AFAP1: variants seen among roughly 807,000 people sequenced by gnomAD.
AFAP1 encodes the protein actin filament associated protein 1, also known as actin filament-associated protein 1.
Under a neutral mutation model 93.9 loss-of-function variants are expected in AFAP1, and 75 were observed. The observed-to-expected ratio is 0.80, with a 90% confidence interval of 0.66 to 0.97. The LOEUF is 0.97. Among genes scored for constraint, AFAP1 ranks in the 50% least tolerant of loss-of-function variants. The probability of loss-of-function intolerance (pLI) is 0.00; values close to 1 mark genes in which losing one functional copy is unlikely to be tolerated. For missense variants in AFAP1, 1,201 were observed against 1,050.8 expected (o/e 1.14, Z -1.98); for synonymous variants, 517 against 430.7 (o/e 1.20, Z -2.48).
intron 6 of AFAP1, among the ~76,000 whole-genome samples, chr4:7,833,244 C>T (rs996955110): frequency 2.0e-5 from 3 of 152,186 alleles, no homozygotes; most frequent in Non-Finnish European, 4.4e-5. Context: ...CCTTCACAAT[C>T]TATATATCCC....
intron 8 of AFAP1, among the ~76,000 whole-genome samples, chr4:7,814,781 C>T (rs1720332110): frequency 6.6e-6 from 1 of 152,226 alleles, no homozygotes; most frequent in Non-Finnish European, 1.5e-5. Context: ...AGAAAGAGCA[C>T]AGGGGCTGGG....
chr4:7,809,742 T>A lies in AFAP1; in HGVS notation c.926A>T (p.Lys309Ile), dbSNP rs943230583. Residue 309 changes from lysine to isoleucine, a missense_variant, in exon 9 of 18, where the codon AAA (lysine) becomes ATA (isoleucine). By Grantham distance (102) the Lys-to-Ile change is moderately radical. Transcript: ENST00000420658. ...CGACACAGTGCCCTTGGCCTCTGAT[T>A]TGGAACTTTTCTTCCTCTTCACTGT... ...KEQVKRKKSS[K>I]SEAKGTVSKV... 5.6e-6 allele frequency: 9 copies of A among 1,613,880 alleles called. No homozygotes were observed. The highest frequency in any genetic ancestry group is 1.7e-4 in the Middle Eastern group (1 of 6,058).
chr4:7,792,423 G>A (rs557172247), intron 11 of AFAP1, among the ~76,000 whole-genome samples: 13 of 152,042 alleles, frequency 8.6e-5, no homozygotes, highest in South Asian at 4.2e-4. Flanking sequence ...AGCTCACCAC[G>A]GCAGATGCAA....
intron 2 of AFAP1, among the ~76,000 whole-genome samples, chr4:7,869,374 C>T (rs2060069038): frequency 6.6e-6 from 1 of 152,228 alleles, no homozygotes; most frequent in Non-Finnish European, 1.5e-5. Context: ...AACTTCTACT[C>T]AGGGCAGGCA....
chr4:7,917,122 T>C (rs1720125251), intron 1 of AFAP1, among the ~76,000 whole-genome samples: 1 of 152,186 alleles, frequency 6.6e-6, no homozygotes, highest in Non-Finnish European at 1.5e-5. Context: ...AGCACTGTTG[T>C]AAAAAGCCTT....
rs760296272 is a variant in AFAP1, at chr4:7,871,995, C to G, written c.84G>C (p.Lys28Asn). The G allele has an allele frequency of 6.2e-7, 1 of 1,614,180 alleles. No individual in the cohort carries two copies. The highest frequency in any genetic ancestry group is 8.5e-7 in the Non-Finnish European group (1 of 1,180,028). The change falls in exon 2 of 18, where the codon AAG becomes AAC. Residue 28 changes from lysine to asparagine, a missense_variant. Physicochemically the swap from Lys to Asn is moderately conservative, Grantham distance 94. Coordinates refer to ENST00000420658, the MANE Select transcript of AFAP1 (RefSeq NM_001134647.2). ...EYLTSTVREK[K>N]AVITNILLRI... is the part of the protein sequence containing the mutation. ...TTAGCAGAATGTTGGTTATCACTGC[C>G]TTTTTCTCCCTGACAGTTGAGGTTA...
Position 7,886,175 on chromosome 4 carries a change from T to C in AFAP1, c.-2-14095A>G, listed in dbSNP as rs186822444. ...CCATTATTTGAACGACTGGATGATT[T>C]TGAATACAAGTCATTAAACTTCTTT... is the stretch of plus-strand genomic sequence containing the variant. On this transcript the variant is annotated intron_variant, in intron 1 of 17. Transcript: ENST00000420658. Among the ~76,000 whole-genome samples, 21 of 152,228 alleles carry C rather than the reference T, an allele frequency of 1.4e-4. 1 individual carries two copies. The highest frequency in any genetic ancestry group is 2.4e-4 in the Non-Finnish European group (16 of 68,044).
In AFAP1 at chr4:7,931,900, G is replaced by A. The variant is rs151193041; in HGVS notation, c.-3+7756C>T. Among the ~76,000 whole-genome samples the A allele has an allele frequency of 1.9e-4, 29 of 151,840 alleles. No individual in the cohort carries two copies. In the East Asian group the frequency reaches 2.3e-3, roughly 12 times the overall value. On this transcript the variant is annotated intron_variant, in intron 1 of 17. Coordinates refer to ENST00000420658, the MANE Select transcript of AFAP1 (RefSeq NM_001134647.2). ...TTTTGAGACGGAGTCTCACTTTGTC[G>A]CCCAGGCTGGAGTGCAGTGGCGCGA...
intron 3 of AFAP1, among the ~76,000 whole-genome samples, chr4:7,866,206 T>C (rs895970121): frequency 4.6e-5 from 3 of 64,616 alleles, no homozygotes; most frequent in African/African-American, 1.8e-4. Flanking sequence ...AGGTTTTTTG[T>C]TTTTTTTTGA....
At position 7,939,846 on chromosome 4, in the gene AFAP1, T is replaced by G; in HGVS notation, c.-193A>C. ...CGCGGAGCTGCAGCCGGCGTGGGGC[T>G]GCGGCCGGGACAGACACCACGCAGG... On this transcript the variant is annotated 5_prime_UTR_variant, in exon 1 of 18. Coordinates refer to ENST00000420658, the MANE Select transcript of AFAP1 (RefSeq NM_001134647.2). This position sits in a 1 kb window ranked among gnomAD's most constrained non-coding sequence, Gnocchi z 5.6. 2 of 274,218 alleles carry G rather than the reference T, an allele frequency of 7.3e-6. No individual in the cohort carries two copies. The highest frequency in any genetic ancestry group is 1.4e-5 in the Non-Finnish European group (2 of 142,874). The allele number at this position is 274,218 out of a possible 1,614,324, so 17.0% of individuals were successfully genotyped here. A position where few individuals can be genotyped will look rare whatever the true frequency, so the allele number is the denominator to read the frequency against.
At chr4:7,875,202 T>C (rs1379815820) in intron 1 of AFAP1, among the ~76,000 whole-genome samples, 7 of 152,224 alleles carry the variant, frequency 4.6e-5, no homozygotes, top group Non-Finnish European at 1.0e-4. Flanking sequence ...CCAAATCTAC[T>C]ATTCTGTAAG....
intron 1 of AFAP1, among the ~76,000 whole-genome samples, chr4:7,874,822 T>G (rs961112699): frequency 1.3e-5 from 2 of 152,058 alleles, no homozygotes; most frequent in African/African-American, 4.8e-5. Context: ...CTAATTATCA[T>G]GTTTTGGTAA....
At chr4:7,903,386 A>G (rs1487349226) in intron 1 of AFAP1, among the ~76,000 whole-genome samples, 1 of 152,252 alleles carries the variant, frequency 6.6e-6, no homozygotes, top group African/African-American at 2.4e-5. Context: ...AGCGTTACAA[A>G]GTGGAAACAG....
intron 1 of AFAP1, among the ~76,000 whole-genome samples, chr4:7,892,314 G>A (rs563894240): frequency 4.2e-4 from 64 of 152,318 alleles, no homozygotes; most frequent in African/African-American, 1.3e-3. Context: ...TGCCCCATCA[G>A]AACATCTAAG....
At chr4:7,844,981 A>G (rs1353923563) in intron 4 of AFAP1, among the ~76,000 whole-genome samples, 1 of 152,288 alleles carries the variant, frequency 6.6e-6, no homozygotes, top group Non-Finnish European at 1.5e-5. Flanking sequence ...TCTGCACAGA[A>G]GAGAACTCAT....
At chr4:7,823,617 C>T (rs1258693115) in intron 6 of AFAP1, among the ~76,000 whole-genome samples, 3 of 152,208 alleles carry the variant, frequency 2.0e-5, no homozygotes, top group Admixed American at 1.3e-4. Flanking sequence ...AGACAGACGA[C>T]GCTGCCCAGC....
chr4:7,909,308 T>C (rs1334788301), intron 1 of AFAP1, among the ~76,000 whole-genome samples: 1 of 152,188 alleles, frequency 6.6e-6, no homozygotes, highest in Admixed American at 6.5e-5. Flanking sequence ...ATTACACAGC[T>C]AGTTAGCAAA....
In AFAP1 at chr4:7,789,229, G is replaced by A. The variant is rs574821427; in HGVS notation, c.1413-2918C>T. On this transcript the variant is annotated intron_variant, in intron 11 of 17. Transcript: ENST00000420658. ...TTGGTGTCTTTCCACAATAGGATTT[G>A]CAGCCAAAGACAGAAGTGGAAATGA... 3.3e-5 allele frequency among the ~76,000 whole-genome samples: 5 copies of A among 152,282 alleles called. No homozygotes were observed. In the East Asian group the frequency reaches 9.7e-4, roughly 29 times the overall value.
chr4:7,855,239 C>A (rs1714912010), intron 4 of AFAP1, among the ~76,000 whole-genome samples: 1 of 152,232 alleles, frequency 6.6e-6, no homozygotes, highest in Admixed American at 6.5e-5. Context: ...CTTTCACTAC[C>A]TCTGAGTCAC....
Sources: allele counts gnomAD v4.1 joint callset (sites outside exome capture counted in the v4.1 genomes callset), GRCh38; gene constraint gnomAD v4.1.1; non-coding constraint Gnocchi (gnomAD v3.1); transcripts MANE v1.5; gene names NCBI Gene and HGNC (gene_info 2026-07-23, HGNC 2026-07-21).